Variants in TMEM131 observed in about 807,000 individuals in gnomAD.
TMEM131 encodes the protein 2610524E03Rik.
Under a neutral mutation model 211.6 loss-of-function variants are expected in TMEM131, and 66 were observed. The ratio of observed to expected loss-of-function variants is 0.31; its 90% confidence interval spans 0.26 to 0.38. TMEM131 has a LOEUF of 0.38. TMEM131 is among the 10% of genes least tolerant of loss of function. The pLI is 1.00. For missense variants in TMEM131, 2,036 were observed against 2,299.3 expected (o/e 0.89, Z 2.34); for synonymous variants, 844 against 841.3 (o/e 1.00, Z -0.06).
At chr2:97,914,741 A>C (rs1383474792) in intron 2 of TMEM131, among the ~76,000 whole-genome samples, 1 of 152,172 alleles carries the variant, frequency 6.6e-6, no homozygotes, top group Non-Finnish European at 1.5e-5. Flanking sequence ...GTTGTATTCC[A>C]TGGTATGAAC....
intron 22 of TMEM131, 75 bp from the exon 23 acceptor site, chr2:97,802,865 G>C (rs1681100243): frequency 7.7e-7 from 1 of 1,300,564 alleles, no homozygotes; most frequent in African/African-American, 1.5e-5. Context: ...ATTCAATTAG[G>C]CTTATGTACT....
At chr2:97,840,653 G>A (rs1405888126) in intron 7 of TMEM131, among the ~76,000 whole-genome samples, 1 of 152,190 alleles carries the variant, frequency 6.6e-6, no homozygotes, top group Non-Finnish European at 1.5e-5. Context: ...TGTAATAACA[G>A]CCAGAACAGG....
intron 2 of TMEM131, among the ~76,000 whole-genome samples, chr2:97,920,070 C>G (rs1355500176): frequency 1.3e-5 from 2 of 152,246 alleles, no homozygotes; most frequent in Non-Finnish European, 2.9e-5. Flanking sequence ...ATACTAGGGC[C>G]TGGCCAACTC....
At chr2:97,859,877 A>G (rs2105178455) in intron 4 of TMEM131, among the ~76,000 whole-genome samples, 1 of 152,346 alleles carries the variant, frequency 6.6e-6, no homozygotes, top group African/African-American at 2.4e-5. Context: ...TACTCATTTC[A>G]TAGATGAGAA....
chr2:97,947,883 A>C (rs554842120), intron 1 of TMEM131, among the ~76,000 whole-genome samples: 1 of 152,290 alleles, frequency 6.6e-6, no homozygotes, highest in South Asian at 2.1e-4. Flanking sequence ...AGACCCCCAC[A>C]TATATGGTCA....
Position 97,851,393 on chromosome 2 carries a change from C to T in TMEM131, c.484-7132G>A, listed in dbSNP as rs140713996. ...GACAAAATTCTAGAGTCAATTTTGACTCTTCTCTTTCTCTCAAATCCCACA... is the reference window on the plus strand; with the variant it reads ...GACAAAATTCTAGAGTCAATTTTGATTCTTCTCTTTCTCTCAAATCCCACA... On this transcript the variant is annotated intron_variant, in intron 5 of 40. Transcript: ENST00000186436. Among the ~76,000 whole-genome samples, 239 of 152,308 alleles carry T rather than the reference C, an allele frequency of 1.6e-3. 2 individuals are homozygous for T. Among genetic ancestry groups the T allele is most frequent in the South Asian group, 3.5e-3 (17 of 4,828 alleles).
intron 11 of TMEM131, among the ~76,000 whole-genome samples, chr2:97,825,717 G>A (rs749103953): frequency 2.6e-5 from 4 of 152,304 alleles, no homozygotes; most frequent in East Asian, 1.9e-4. Context: ...ACTCAGACTC[G>A]TGGGACAACC....
At chr2:97,784,571 T>C (rs982331498) in intron 31 of TMEM131, among the ~76,000 whole-genome samples, 1 of 152,026 alleles carries the variant, frequency 6.6e-6, no homozygotes, top group Admixed American at 6.6e-5. Context: ...AAGTTCCATA[T>C]ATCAAAATTT....
chr2:97,820,619 G>A (rs778428827), intron 11 of TMEM131, among the ~76,000 whole-genome samples: 2 of 152,144 alleles, frequency 1.3e-5, no homozygotes, highest in Admixed American at 6.5e-5. Flanking sequence ...AGCACGTTGG[G>A]AGGCCAAGGC....
intron 1 of TMEM131, among the ~76,000 whole-genome samples, chr2:97,946,937 T>C (rs1056083622): frequency 6.6e-6 from 1 of 151,658 alleles, no homozygotes; most frequent in African/African-American, 2.4e-5. Flanking sequence ...AAAAAAAAAC[T>C]TCAACATATA....
At chr2:97,759,827 C>T in intron 38 of TMEM131, 78 bp from the exon 39 acceptor site, 1 of 1,007,190 alleles carries the variant, frequency 9.9e-7, no homozygotes, top group Non-Finnish European at 1.5e-6. Flanking sequence ...TGCACAGCTT[C>T]ACAAACAGGA....
intron 21 of TMEM131, 22 bp downstream of exon 21, chr2:97,805,354 A>G (rs763497028): frequency 6.2e-7 from 1 of 1,610,462 alleles, no homozygotes; most frequent in Admixed American, 1.7e-5. Context: ...AAGACATGAG[A>G]GAGAACAGCA....
chr2:97,765,688 G>C (rs1299893757), intron 35 of TMEM131, among the ~76,000 whole-genome samples: 1 of 152,142 alleles, frequency 6.6e-6, no homozygotes, highest in African/African-American at 2.4e-5. Flanking sequence ...AAAAAGATGT[G>C]GGTAAAGTTG....
In TMEM131 at chr2:97,841,800, C is replaced by G. The variant is rs1313189163; in HGVS notation, c.723+15G>C. ...CCAAAATGAAGCTTATTCAAAATTA[C>G]CATCATAAACTCACCTGTAAAGGCT... On this transcript the variant is annotated intron_variant, in intron 7 of 40. Transcript: ENST00000186436. The G allele has an allele frequency of 3.2e-6, 5 of 1,548,536 alleles. No homozygotes were observed. Among genetic ancestry groups the G allele is most frequent in the Non-Finnish European group, 4.4e-6 (5 of 1,147,154 alleles).
intron 5 of TMEM131, among the ~76,000 whole-genome samples, chr2:97,847,070 T>TGGGGGGGGGGGGGGGGG (rs70938540): frequency 8.7e-5 from 2 of 23,034 alleles, no homozygotes; most frequent in African/African-American, 2.1e-4. Flanking sequence ...TCCCAGCTAC[T>TGGGGGGGGGGGGGGGGG]GGGGGGGGGG....
At chr2:97,781,226 C>T (rs973769416) in intron 31 of TMEM131, among the ~76,000 whole-genome samples, 1 of 152,230 alleles carries the variant, frequency 6.6e-6, no homozygotes, top group Non-Finnish European at 1.5e-5. Context: ...GCCCCAGTGC[C>T]TTGCACAGCG....
At chr2:97,797,288 G>T in intron 26 of TMEM131, 77 bp downstream of exon 26, 1 of 1,334,418 alleles carries the variant, frequency 7.5e-7, no homozygotes, top group Non-Finnish European at 1.0e-6. Context: ...AGTTAGACAT[G>T]CAAATTCATC....
At position 97,759,932 on chromosome 2, in the gene TMEM131, G is replaced by C. The variant is rs560002905; in HGVS notation, c.5109-183C>G. Reference sequence around the variant, plus strand: ...TACCACAAGGGTTGAGTCGGAGGGAGCCCCAGAGCTCCGGATGCCCTATCA... The same window carrying C: ...TACCACAAGGGTTGAGTCGGAGGGACCCCCAGAGCTCCGGATGCCCTATCA... On this transcript the variant is annotated intron_variant, in intron 38 of 40. Coordinates refer to ENST00000186436, the MANE Select transcript of TMEM131 (RefSeq NM_015348.2). 3 of 574,790 alleles carry C rather than the reference G, an allele frequency of 5.2e-6. No individual in the cohort carries two copies. In the Admixed American group the frequency reaches 8.7e-5, roughly 17 times the overall value. 35.6% of individuals were successfully genotyped at this position (574,790 alleles called of 1,614,324 possible).
chr2:97,778,325 C>T (rs758578571), intron 31 of TMEM131, among the ~76,000 whole-genome samples: 6 of 152,122 alleles, frequency 3.9e-5, no homozygotes, highest in Non-Finnish European at 8.8e-5. Context: ...CCGAGGAGGG[C>T]GGATCACTTG....
Sources: allele counts gnomAD v4.1 joint callset (sites outside exome capture counted in the v4.1 genomes callset), GRCh38; gene constraint gnomAD v4.1.1; transcripts MANE v1.5; gene names NCBI Gene and HGNC (gene_info 2026-07-23, HGNC 2026-07-21).